Variants in MYO7B observed in about 807,000 individuals in gnomAD.
MYO7B encodes the protein unconventional myosin-VIIb.
Under a neutral mutation model 259.7 loss-of-function variants are expected in MYO7B, and 212 were observed. The observed-to-expected ratio is 0.82, with a 90% CI of 0.73 to 0.91. The LOEUF (loss-of-function observed/expected upper bound fraction) is 0.91, where lower values mean the gene tolerates loss of function less well. Ranked by LOEUF, MYO7B falls within the 40% of genes least tolerant of loss-of-function variation. The pLI is 0.00. For missense variants in MYO7B, 2,732 were observed against 2,813.5 expected, an observed-to-expected ratio of 0.97 and a Z score of 0.66; for synonymous variants, 1,197 against 1,166.4, an observed-to-expected ratio of 1.03 and a Z score of -0.54.
chr2:127,624,688 C>G (rs1325864303), intron 30 of MYO7B, among the ~76,000 whole-genome samples: 1 of 152,240 alleles, frequency 6.6e-6, no homozygotes, highest in Non-Finnish European at 1.5e-5. Context: ...CTTGGAAAGT[C>G]CTGTCACCGC....
intron 1 of MYO7B, among the ~76,000 whole-genome samples, chr2:127,538,746 G>A (rs971928752): frequency 6.6e-6 from 1 of 151,816 alleles, no homozygotes; most frequent in Non-Finnish European, 1.5e-5. Context: ...TTGTATTTTT[G>A]TAGAGATGGG....
At position 127,573,963 on chromosome 2, in the gene MYO7B, C is replaced by T; in HGVS notation, c.636C>T (p.Arg212=). 6.2e-7 allele frequency: 1 copy of T among 1,614,058 alleles called. No individual in the cohort carries two copies. The highest frequency in any genetic ancestry group is 8.5e-7 in the Non-Finnish European group (1 of 1,179,904). The change falls in exon 7 of 48, where the codon CGC becomes CGT. Residue 212 remains arginine (R), a synonymous_variant. Coordinates refer to ENST00000409816, the MANE Select transcript of MYO7B (RefSeq NM_001393586.1). ...CAATCCGCAACGACAACTCAAGCCG[C>T]TTTGGGAAGTACATTGACATCTACT... is the stretch of plus-strand genomic sequence containing the variant. The part of the protein sequence containing the change: ...AKTIRNDNSS[R]FGKYIDIYFN...
Position 127,635,814 on chromosome 2 carries a change from C to T in MYO7B, c.5913C>T (p.Asn1971=), listed in dbSNP as rs200483005. 8.8e-6 allele frequency: 14 copies of T among 1,589,052 alleles called. No homozygotes were observed. In the Middle Eastern group the frequency reaches 5.0e-4, roughly 56 times the overall value. Residue 1971 remains asparagine, a synonymous_variant, in exon 44 of 48, where the codon AAC becomes AAT. Coordinates refer to ENST00000409816, the MANE Select transcript of MYO7B (RefSeq NM_001393586.1). ...AGLIYKAQFN[N]DRSQLASVPK... is the part of the protein sequence containing the mutation. ...TCATCTACAAGGCCCAGTTCAACAA[C>T]GACCGGTCCCAGCTGGCTAGTGTCC...
intron 1 of MYO7B, among the ~76,000 whole-genome samples, chr2:127,547,832 C>G (rs987651206): frequency 6.6e-6 from 1 of 152,198 alleles, no homozygotes; most frequent in Non-Finnish European, 1.5e-5. Flanking sequence ...ACGCTGGCCT[C>G]ATAGAACGAG....
At chr2:127,621,765 A>G (rs60935161) in intron 27 of MYO7B, among the ~76,000 whole-genome samples, 47,215 of 152,196 alleles carry the variant, frequency 0.31, 10,102 homozygotes, top group African/African-American at 0.61. Context: ...GTTGTGACAA[A>G]GAGTGTGCAC....
intron 1 of MYO7B, among the ~76,000 whole-genome samples, chr2:127,547,126 G>A (rs571058243): frequency 1.8e-4 from 27 of 151,584 alleles, no homozygotes; most frequent in Admixed American, 9.2e-4. Context: ...CTATCCACCC[G>A]TCCATCAGCC....
At chr2:127,602,152 T>C (rs908988924) in intron 19 of MYO7B, among the ~76,000 whole-genome samples, 1 of 152,164 alleles carries the variant, frequency 6.6e-6, no homozygotes, top group Non-Finnish European at 1.5e-5. Flanking sequence ...TGTGTTAGAG[T>C]ATATATCTTT....
rs1319152358 is a variant in MYO7B, at chr2:127,576,191, C to G, written c.736-404C>G. On this transcript the variant is annotated intron_variant, in intron 7 of 47. Transcript: ENST00000409816. This position sits in a 1 kb window ranked among gnomAD's most constrained non-coding sequence, Gnocchi z 4.9. ...TCTAGCTTGGGTGACAGAGCAAGAC[C>G]TTCTCTCGGAAAAAAAAAAAATACT... 1.3e-5 allele frequency among the ~76,000 whole-genome samples: 2 copies of G among 151,586 alleles called. No homozygotes were observed. The highest frequency in any genetic ancestry group is 2.9e-5 in the Non-Finnish European group (2 of 67,882).
At chr2:127,554,536 A>G (rs1693567507) in intron 1 of MYO7B, among the ~76,000 whole-genome samples, 1 of 152,112 alleles carries the variant, frequency 6.6e-6, no homozygotes, top group African/African-American at 2.4e-5. Context: ...ATTAGTCTGT[A>G]GTTTTCTTTT....
At chr2:127,621,268 T>G (rs1221721788) in intron 27 of MYO7B, among the ~76,000 whole-genome samples, 2 of 150,114 alleles carry the variant, frequency 1.3e-5, no homozygotes, top group East Asian at 1.9e-4. Context: ...TTTTTTTGTT[T>G]TTTTTTTTTT....
At chr2:127,565,412 A>G (rs1232565702) in intron 4 of MYO7B, 27 bp downstream of exon 4, 1 of 1,610,360 alleles carries the variant, frequency 6.2e-7, no homozygotes, top group African/African-American at 1.3e-5. Flanking sequence ...CTGTGTCCAC[A>G]GGGGAGCCCC....
At chr2:127,548,983 G>A (rs1693341581) in intron 1 of MYO7B, among the ~76,000 whole-genome samples, 1 of 152,034 alleles carries the variant, frequency 6.6e-6, no homozygotes, top group Admixed American at 6.6e-5. Flanking sequence ...TTTCTTGGCA[G>A]GTGCGTACAT....
At position 127,634,683 on chromosome 2, in the gene MYO7B, G is replaced by A. The variant is rs980744912; in HGVS notation, c.5713G>A (p.Gly1905Arg). 1 of 1,611,250 alleles carries A rather than the reference G, an allele frequency of 6.2e-7. No individual in the cohort carries two copies. The highest frequency in any genetic ancestry group is 1.3e-5 in the African/African-American group (1 of 74,886). Reference sequence around the variant, plus strand: ...GAAGAAGAACAAGCCCCAGAAAGAAGGTGAGGAGGCCTCTGTGGAGCTGGG... The same window carrying A: ...GAAGAAGAACAAGCCCCAGAAAGAAAGTGAGGAGGCCTCTGTGGAGCTGGG... Reference protein sequence around the residue: ...WVKKNKPQKEGAPVTLPYQVY... With the variant: ...WVKKNKPQKERAPVTLPYQVY... Residue 1905 changes from glycine to arginine, a missense_variant and splice_region_variant, in exon 42 of 48, where the codon GGG (glycine) becomes AGG (arginine). Physicochemically the swap from Gly to Arg is moderately radical, Grantham distance 125 (BLOSUM62 -2). This residue lies in a region of MYO7B where 821 missense variants were observed against 769.3 expected (regional missense o/e 1.07). Transcript: ENST00000409816.
intron 39 of MYO7B, 121 bp downstream of exon 39, chr2:127,632,522 C>A: frequency 3.9e-6 from 5 of 1,291,342 alleles, no homozygotes; most frequent in South Asian, 1.6e-5. Flanking sequence ...AAGCCAGTGT[C>A]AGCTTGGCAG....
At chr2:127,588,289 G>A in intron 14 of MYO7B, 103 bp from the exon 15 acceptor site, 1 of 1,325,734 alleles carries the variant, frequency 7.5e-7, no homozygotes. Flanking sequence ...GTAGGAGGGG[G>A]CTCCTCCACG....
chr2:127,539,501 G>A lies in MYO7B; in HGVS notation c.-24+3670G>A, dbSNP rs1043792226. Among the ~76,000 whole-genome samples, 2 of 152,294 alleles carry A rather than the reference G, an allele frequency of 1.3e-5. No homozygotes were observed. The highest frequency in any genetic ancestry group is 1.9e-4 in the East Asian group (1 of 5,182). Reference sequence around the variant, plus strand: ...GATAAAAAGGGAGAAAACGACATTGGCTATAACAGGAAATTCAGGAGAGTT... The same window carrying A: ...GATAAAAAGGGAGAAAACGACATTGACTATAACAGGAAATTCAGGAGAGTT... On this transcript the variant is annotated intron_variant, in intron 1 of 47. Coordinates refer to ENST00000409816, the MANE Select transcript of MYO7B (RefSeq NM_001393586.1). This position sits in a 1 kb window ranked among gnomAD's most constrained non-coding sequence, Gnocchi z 4.0.
chr2:127,573,141 T>C (rs1326352440), intron 6 of MYO7B, among the ~76,000 whole-genome samples: 1 of 152,186 alleles, frequency 6.6e-6, no homozygotes, highest in Non-Finnish European at 1.5e-5. Flanking sequence ...ACCCTTTTCC[T>C]TCGTTTCATG....
intron 1 of MYO7B, among the ~76,000 whole-genome samples, chr2:127,552,158 TG>T (rs1017190669): frequency 2.0e-5 from 3 of 152,262 alleles, no homozygotes; most frequent in African/African-American, 7.2e-5. Flanking sequence ...TTCTTTTCTT[TG>T]GGCCTTTTAA....
At chr2:127,557,649 T>G (rs1369888577) in intron 1 of MYO7B, among the ~76,000 whole-genome samples, 1 of 152,122 alleles carries the variant, frequency 6.6e-6, no homozygotes, top group Admixed American at 6.5e-5. Context: ...AATAGGCATA[T>G]AGACCAATGG....
Sources: allele counts gnomAD v4.1 joint callset (sites outside exome capture counted in the v4.1 genomes callset), GRCh38; gene constraint gnomAD v4.1.1; regional missense constraint gnomAD v4.1.1; non-coding constraint Gnocchi (gnomAD v3.1); transcripts MANE v1.5; gene names NCBI Gene and HGNC (gene_info 2026-07-23, HGNC 2026-07-21).